Variants in SDK1 observed in about 807,000 individuals in gnomAD.
The protein encoded by SDK1 is protein sidekick-1.
SDK1 carries 157 observed loss-of-function variants against 245.5 expected under a neutral mutation model. The observed-to-expected ratio is 0.64, with a 90% CI of 0.56 to 0.73. The LOEUF (loss-of-function observed/expected upper bound fraction) is 0.73. SDK1 is among the 30% of genes least tolerant of loss of function. SDK1 has a pLI of 0.00. For missense variants in SDK1, 3,583 were observed against 3,002.3 expected (o/e 1.19, Z -4.52); for synonymous variants, 1,647 against 1,278.5 (o/e 1.29, Z -6.15).
intron 31 of SDK1, 23 bp downstream of exon 31, chr7:4,158,574 C>T (rs1383747025): frequency 7.0e-6 from 11 of 1,568,190 alleles, no homozygotes; most frequent in African/African-American, 2.7e-5. Context: ...GGGCCCAGAC[C>T]GCGTTCCTGG....
At position 4,265,271 on chromosome 7, in the gene SDK1, G is replaced by C. The variant is rs368050521; in HGVS notation, c.6529G>C (p.Glu2177Gln). 1 of 1,593,306 alleles carries C rather than the reference G, an allele frequency of 6.3e-7. No homozygotes were observed. Among genetic ancestry groups the C allele is most frequent in the Non-Finnish European group, 8.5e-7 (1 of 1,175,300 alleles). ...PHRYEAVAGS[E>Q]AGAQLHPVIT... ...CAGGTACGAGGCGGTGGCGGGCTCC[G>C]AGGCGGGCGCGCAGCTGCACCCGGT... Residue 2177 changes from glutamate (E) to glutamine (Q), a missense_variant, in exon 45 of 45, where the codon GAG (glutamate) becomes CAG (glutamine). Glu to Gln is a conservative substitution (Grantham distance 29). Coordinates refer to ENST00000404826, the MANE Select transcript of SDK1 (RefSeq NM_152744.4).
intron 4 of SDK1, among the ~76,000 whole-genome samples, chr7:3,707,996 TA>T (rs928063015): frequency 6.6e-6 from 1 of 152,198 alleles, no homozygotes; most frequent in African/African-American, 2.4e-5. Context: ...CTGAGTAATT[TA>T]TTTTTTTTTA....
intron 19 of SDK1, among the ~76,000 whole-genome samples, chr7:4,064,557 T>A (rs1779747679): frequency 6.6e-6 from 1 of 152,154 alleles, no homozygotes; most frequent in Admixed American, 6.6e-5. Context: ...GCAATCCCAC[T>A]ATTGGGTATT....
At chr7:3,773,408 T>C (rs1780458471) in intron 4 of SDK1, among the ~76,000 whole-genome samples, 1 of 152,156 alleles carries the variant, frequency 6.6e-6, no homozygotes, top group Admixed American at 6.5e-5. Flanking sequence ...TTTCTGTCTT[T>C]ATTTATATTT....
intron 40 of SDK1, among the ~76,000 whole-genome samples, chr7:4,222,988 A>C (rs1190749060): frequency 6.6e-6 from 1 of 152,016 alleles, no homozygotes; most frequent in Non-Finnish European, 1.5e-5. Context: ...CAGACTTAAG[A>C]AACCACTTCA....
At chr7:3,820,440 G>A (rs1037158518) in intron 4 of SDK1, among the ~76,000 whole-genome samples, 9 of 152,094 alleles carry the variant, frequency 5.9e-5, no homozygotes, top group Non-Finnish European at 1.0e-4. Flanking sequence ...GAGCCACTGC[G>A]CTCAGCCCAT....
At chr7:3,713,287 C>CTGTGT (rs991854677) in intron 4 of SDK1, among the ~76,000 whole-genome samples, 11 of 152,184 alleles carry the variant, frequency 7.2e-5, no homozygotes, top group Non-Finnish European at 1.6e-4. Flanking sequence ...AGCTCAGGCT[C>CTGTGT]TGTGTTGTGA....
intron 4 of SDK1, among the ~76,000 whole-genome samples, chr7:3,716,069 G>C (rs1188513818): frequency 6.9e-6 from 1 of 145,762 alleles, no homozygotes; most frequent in Non-Finnish European, 1.5e-5. Flanking sequence ...TATGAGGATA[G>C]ATCAATAGAA....
chr7:3,403,837 ATATATATAT>A lies in SDK1; in HGVS notation c.298+101954_298+101962del, dbSNP rs1242411209. ...TGAAATATCTTACATATATATATAT[ATATATATAT>A]ATATATATATATATATATATATAAT... On this transcript the variant is annotated intron_variant, in intron 1 of 44. Transcript: ENST00000404826. Among the ~76,000 whole-genome samples the A allele has an allele frequency of 2.6e-3, 143 of 54,960 alleles. 2 individuals are homozygous for A. Among genetic ancestry groups the A allele is most frequent in the African/African-American group, 0.023 (135 of 5,946 alleles). 36.1% of individuals were successfully genotyped at this position (54,960 alleles called of 152,430 possible).
chr7:4,084,045 G>A (rs1056643267), intron 22 of SDK1, among the ~76,000 whole-genome samples: 2 of 152,058 alleles, frequency 1.3e-5, no homozygotes, highest in Non-Finnish European at 2.9e-5. Flanking sequence ...TATGTTCTTA[G>A]GATATTCAAG....
At chr7:3,635,876 T>C (rs895112460) in intron 2 of SDK1, among the ~76,000 whole-genome samples, 1 of 152,116 alleles carries the variant, frequency 6.6e-6, no homozygotes, top group African/African-American at 2.4e-5. Flanking sequence ...TGGCTAATTT[T>C]TGTATTTTTT....
chr7:4,193,466 T>C (rs2128223345), intron 35 of SDK1, among the ~76,000 whole-genome samples: 1 of 149,522 alleles, frequency 6.7e-6, no homozygotes, highest in South Asian at 2.1e-4. Context: ...ATATTGCCAC[T>C]ACTGGGGATG....
intron 1 of SDK1, chr7:3,338,426 A>T: frequency 3.8e-6 from 2 of 527,712 alleles, no homozygotes; most frequent in Non-Finnish European, 3.6e-6. Flanking sequence ...CTTAAGAGCC[A>T]AGATAGCTTC....
At chr7:4,207,086 G>C (rs1009647501) in intron 36 of SDK1, among the ~76,000 whole-genome samples, 1 of 152,184 alleles carries the variant, frequency 6.6e-6, no homozygotes, top group Non-Finnish European at 1.5e-5. Context: ...GATCTTAGAC[G>C]GTCAATTCAG....
intron 14 of SDK1, among the ~76,000 whole-genome samples, chr7:3,999,596 C>T (rs1304464465): frequency 7.2e-5 from 11 of 152,052 alleles, no homozygotes; most frequent in African/African-American, 1.2e-4. Flanking sequence ...CCAAGGACTC[C>T]GAGGCTTGGA....
intron 22 of SDK1, among the ~76,000 whole-genome samples, chr7:4,085,619 A>T (rs1781377043): frequency 6.6e-6 from 1 of 152,072 alleles, no homozygotes; most frequent in South Asian, 2.1e-4. Flanking sequence ...CAGTGGCGTG[A>T]TCTCAGATCA....
intron 1 of SDK1, among the ~76,000 whole-genome samples, chr7:3,597,851 C>T (rs1237769246): frequency 2.0e-5 from 3 of 152,136 alleles, no homozygotes; most frequent in African/African-American, 2.4e-5. Flanking sequence ...TGATGTACGT[C>T]TCTGTCGTTT....
intron 5 of SDK1, among the ~76,000 whole-genome samples, chr7:3,871,478 A>G (rs556403046): frequency 1.3e-5 from 2 of 152,330 alleles, no homozygotes; most frequent in Admixed American, 1.3e-4. Flanking sequence ...CTGTAAAGGA[A>G]TACGTGAGGC....
Position 4,220,184 on chromosome 7 carries a change from G to A in SDK1, c.5615G>A (p.Gly1872Glu). ...RWLKVRDLTK[G>E]VTYFFRVQAR... is the part of the protein sequence containing the mutation. The stretch of plus-strand genomic sequence containing the variant: ...CTGAAGGTGCGGGACCTCACCAAGG[G>A]AGTGACCTATTTCTTCCGTGTCCAA... The change falls in exon 39 of 45, where the codon GGA becomes GAA. Residue 1872 changes from glycine to glutamate, a missense_variant. Gly to Glu is a moderately conservative substitution (Grantham distance 98, BLOSUM62 -2). Coordinates refer to ENST00000404826, the MANE Select transcript of SDK1 (RefSeq NM_152744.4). 6.2e-7 allele frequency: 1 copy of A among 1,614,096 alleles called. No individual in the cohort carries two copies. Among genetic ancestry groups the A allele is most frequent in the South Asian group, 1.1e-5 (1 of 91,074 alleles).
Sources: gnomAD v4.1 joint callset for allele counts (sites outside exome capture counted in the v4.1 genomes callset) on GRCh38, gnomAD v4.1.1 for gene constraint, MANE v1.5 for transcripts, NCBI Gene and HGNC (gene_info 2026-07-23, HGNC 2026-07-21) for gene names.